Variants in RABGEF1 observed in about 807,000 individuals in gnomAD.
The protein encoded by RABGEF1 is rab5 GDP/GTP exchange factor.
In RABGEF1, 26 loss-of-function variants were observed where a neutral mutation model predicts 57.3. That is an observed-to-expected ratio of 0.45 (90% CI 0.33 to 0.63). RABGEF1 has a LOEUF of 0.63. RABGEF1 is among the 20% of genes least tolerant of loss of function. RABGEF1 has a pLI of 0.02. For missense variants in RABGEF1, 464 were observed against 607.6 expected (o/e 0.76, Z 2.48); for synonymous variants, 185 against 210.7 (o/e 0.88, Z 1.06).
chr7:66,672,888 G>A, the RABGEF1 span, among the ~76,000 whole-genome samples: 3 of 151,440 alleles, frequency 2.0e-5, no homozygotes, highest in Admixed American at 6.6e-5. Flanking sequence ...GTGTCACATC[G>A]CTCTGCAGAA....
At chr7:66,778,282 T>A (rs566426999) in intron 3 of RABGEF1, among the ~76,000 whole-genome samples, 2,215 of 152,282 alleles carry the variant, frequency 0.015, 61 homozygotes, top group East Asian at 0.094. Flanking sequence ...AGCAGCTTGG[T>A]AGCAGACAAA....
At chr7:66,713,235 G>A (rs1307544579) in intron 2 of RABGEF1, among the ~76,000 whole-genome samples, 23 of 150,884 alleles carry the variant, frequency 1.5e-4, no homozygotes, top group Non-Finnish European at 2.7e-4. Context: ...TCTGCTTCCC[G>A]GGTTCATGCC....
chr7:66,791,260 G>T (rs1372299077), intron 4 of RABGEF1, among the ~76,000 whole-genome samples: 1 of 152,152 alleles, frequency 6.6e-6, no homozygotes, highest in African/African-American at 2.4e-5. Flanking sequence ...ATTTGACACA[G>T]TTAGTTTTGC....
At chr7:66,679,391 C>T (rs564092273), upstream of RABGEF1, among the ~76,000 whole-genome samples, 1 of 152,306 alleles carries the variant, frequency 6.6e-6, no homozygotes, top group East Asian at 1.9e-4. Context: ...TCACTGCAGC[C>T]TCAACCCCCC....
intron 1 of RABGEF1, among the ~76,000 whole-genome samples, chr7:66,765,947 T>C (rs12535321): frequency 0.039 from 6,004 of 152,270 alleles, 165 homozygotes; most frequent in East Asian, 0.085. Flanking sequence ...ATCATACTTA[T>C]AGTACAAAAT....
chr7:66,768,549 C>T (rs1806312309), intron 1 of RABGEF1, among the ~76,000 whole-genome samples: 1 of 152,058 alleles, frequency 6.6e-6, no homozygotes, highest in East Asian at 1.9e-4. Flanking sequence ...GTTTTGTTGC[C>T]AGATTTGGGA....
rs534365582 is a variant in RABGEF1, at chr7:66,810,150, G to A, written c.*866G>A. The A allele has an allele frequency of 6.6e-6, 1 of 152,246 alleles. No individual in the cohort carries two copies. The highest frequency in any genetic ancestry group is 1.5e-5 in the Non-Finnish European group (1 of 68,054). The allele number at this position is 152,246 out of a possible 1,614,324, so 9.4% of individuals were successfully genotyped here. On this transcript the variant is annotated 3_prime_UTR_variant, in exon 9 of 9. Transcript: ENST00000284957. ...CGGGAATGAATGGGCCTCTGATGGT[G>A]AGAGGTGACGGGGTCCCTCAGCTGT...
intron 1 of RABGEF1, among the ~76,000 whole-genome samples, chr7:66,705,443 A>AAGACAAAGAGAGAGAGAGAGAGAGAG (rs540794271): frequency 3.0e-5 from 2 of 66,372 alleles, no homozygotes; most frequent in East Asian, 5.1e-4. Context: ...TCTCGAAAGA[A>AAGACAAAGAGAGAGAGAGAGAGAGAG]AGAGAGAGAG....
intron 2 of RABGEF1, among the ~76,000 whole-genome samples, chr7:66,721,033 T>C (rs1465544550): frequency 6.6e-6 from 1 of 152,118 alleles, no homozygotes; most frequent in African/African-American, 2.4e-5. Context: ...TTCTCCTGCC[T>C]GAAACCTCCA....
At position 66,709,617 on chromosome 7, in the gene RABGEF1, T is replaced by A. The variant is rs371070675; in HGVS notation, c.-872-2550T>A. Among the ~76,000 whole-genome samples, 57 of 152,188 alleles carry A rather than the reference T, an allele frequency of 3.7e-4. No individual in the cohort carries two copies. In the South Asian group the frequency reaches 0.012, roughly 32 times the overall value. ...GCCTGACCAACATGGTGAAACCCTG[T>A]CTCTACTAAAAATACGAAATTAGCC... On this transcript the variant is annotated intron_variant and NMD_transcript_variant, in intron 1 of 9. Transcript: ENST00000607882.
chr7:66,665,905 A>C, the RABGEF1 span, among the ~76,000 whole-genome samples: 2 of 152,190 alleles, frequency 1.3e-5, no homozygotes, highest in African/African-American at 4.8e-5. Flanking sequence ...CTAGTAGAAG[A>C]GATGTTAGAA....
At chr7:66,720,156 T>C (rs1204059812) in intron 2 of RABGEF1, among the ~76,000 whole-genome samples, 3 of 150,048 alleles carry the variant, frequency 2.0e-5, no homozygotes, top group South Asian at 2.1e-4. Context: ...TTTGACAACA[T>C]TCAACATCCA....
intron 1 of RABGEF1, among the ~76,000 whole-genome samples, chr7:66,705,971 C>T (rs974288853): frequency 2.9e-5 from 4 of 137,800 alleles, no homozygotes; most frequent in African/African-American, 8.1e-5. Flanking sequence ...GGCGCAATCT[C>T]GGCTCACTGC....
At chr7:66,743,756 A>T (rs930433399) in intron 1 of RABGEF1, among the ~76,000 whole-genome samples, 2 of 152,088 alleles carry the variant, frequency 1.3e-5, no homozygotes, top group East Asian at 1.9e-4. Flanking sequence ...CCTCCTCGGC[A>T]TTCCAAAGTG....
the RABGEF1 span, among the ~76,000 whole-genome samples, chr7:66,670,663 T>A: frequency 6.6e-6 from 1 of 151,860 alleles, no homozygotes; most frequent in South Asian, 2.1e-4. Context: ...CACTACAGCA[T>A]GATGAAACCC....
At chr7:66,766,683 G>C (rs62466856) in intron 1 of RABGEF1, among the ~76,000 whole-genome samples, 1 of 151,764 alleles carries the variant, frequency 6.6e-6, no homozygotes, top group Non-Finnish European at 1.5e-5. Context: ...ATTACCACCC[G>C]TCGTCTTTCC....
chr7:66,765,220 G>A (rs965750035), intron 1 of RABGEF1, among the ~76,000 whole-genome samples: 3 of 151,362 alleles, frequency 2.0e-5, no homozygotes, highest in African/African-American at 7.3e-5. Context: ...TACATAGTTT[G>A]CCTAAAGTTA....
At chr7:66,797,546 C>A in intron 6 of RABGEF1, 40 bp downstream of exon 6, 1 of 1,588,738 alleles carries the variant, frequency 6.3e-7, no homozygotes, top group Non-Finnish European at 8.6e-7. Context: ...TTACTACCTT[C>A]TAATGGAAGA....
intron 2 of RABGEF1, among the ~76,000 whole-genome samples, 192 bp from the exon 3 acceptor site, chr7:66,775,035 A>G (rs1808190818): frequency 6.6e-6 from 1 of 152,098 alleles, no homozygotes; most frequent in Non-Finnish European, 1.5e-5. Flanking sequence ...GTATGAGAAG[A>G]CCCCATTTGA....
Sources: allele counts gnomAD v4.1 joint callset (sites outside exome capture counted in the v4.1 genomes callset), GRCh38; gene constraint gnomAD v4.1.1; transcripts MANE v1.5; gene names NCBI Gene and HGNC (gene_info 2026-07-23, HGNC 2026-07-21).